The following AGBL1 variants were observed in gnomAD, a reference collection of about 807,000 sequenced individuals.
The protein encoded by AGBL1 is cytosolic carboxypeptidase 4.
AGBL1 carries 130 observed loss-of-function variants against 118.9 expected under a neutral mutation model. That is an observed-to-expected ratio of 1.09 (90% confidence interval 0.95 to 1.26). The LOEUF is 1.26. Ranked by LOEUF, AGBL1 falls within the 50% of genes most tolerant of loss-of-function variation. The probability of loss-of-function intolerance (pLI) is 0.00; values close to 1 mark genes in which losing one functional copy is unlikely to be tolerated. For synonymous variants in AGBL1, 555 were observed against 478.9 expected, an observed-to-expected ratio of 1.16 and a Z score of -2.08; for missense variants, 1,584 against 1,298.1, an observed-to-expected ratio of 1.22 and a Z score of -3.38.
At chr15:86,956,928 G>A (rs941846755) in intron 23 of AGBL1, among the ~76,000 whole-genome samples, 3 of 152,120 alleles carry the variant, frequency 2.0e-5, no homozygotes, top group African/African-American at 7.2e-5. Context: ...ATGCACATAA[G>A]TGTGTATACA....
intron 5 of AGBL1, among the ~76,000 whole-genome samples, chr15:86,178,169 T>C (rs1365632787): frequency 6.6e-6 from 1 of 152,018 alleles, no homozygotes. Context: ...AAAATTTAGT[T>C]GGGTGTGGTG....
intron 23 of AGBL1, among the ~76,000 whole-genome samples, chr15:86,948,132 GC>G (rs2080844747): frequency 6.6e-6 from 1 of 152,158 alleles, no homozygotes; most frequent in Admixed American, 6.5e-5. Flanking sequence ...GTTAGCATGT[GC>G]AGTGACACTG....
intron 4 of AGBL1, 132 bp from the exon 5 acceptor site, chr15:86,158,800 CA>C: frequency 1.4e-6 from 1 of 698,704 alleles, no homozygotes; most frequent in Non-Finnish European, 2.5e-6. Flanking sequence ...AATGTGCAAC[CA>C]GGGTGGAAAA....
chr15:86,475,909 G>C (rs2082552091), intron 18 of AGBL1, among the ~76,000 whole-genome samples: 1 of 152,142 alleles, frequency 6.6e-6, no homozygotes, highest in Non-Finnish European at 1.5e-5. Context: ...AAGAGAGTGG[G>C]GGCCAATATT....
chr15:86,477,291 G>C (rs1363986068), intron 18 of AGBL1, among the ~76,000 whole-genome samples: 1 of 152,108 alleles, frequency 6.6e-6, no homozygotes, highest in African/African-American at 2.4e-5. Flanking sequence ...AATGAATCCA[G>C]GAGCTGGTTT....
At chr15:86,251,116 T>C (rs1442538747) in intron 7 of AGBL1, among the ~76,000 whole-genome samples, 2 of 152,202 alleles carry the variant, frequency 1.3e-5, no homozygotes, top group Non-Finnish European at 2.9e-5. Context: ...CCAATATTGA[T>C]AATTTCAAAA....
At chr15:86,938,061 A>T (rs2080697560) in intron 23 of AGBL1, among the ~76,000 whole-genome samples, 1 of 127,980 alleles carries the variant, frequency 7.8e-6, no homozygotes, top group Non-Finnish European at 1.9e-5. Context: ...TTGTTTTGAG[A>T]CACACTACTT....
chr15:86,663,422 T>C (rs898336093), intron 21 of AGBL1, among the ~76,000 whole-genome samples: 4 of 152,050 alleles, frequency 2.6e-5, no homozygotes, highest in African/African-American at 4.8e-5. Context: ...AGAGAAACCA[T>C]AGAGACCCAG....
chr15:86,562,210 T>A (rs954563001), intron 21 of AGBL1, among the ~76,000 whole-genome samples: 3 of 151,568 alleles, frequency 2.0e-5, no homozygotes, highest in Non-Finnish European at 4.4e-5. Flanking sequence ...GAGGCATCCC[T>A]GTCTTGTGCC....
intron 22 of AGBL1, among the ~76,000 whole-genome samples, chr15:86,764,020 A>C (rs988676324): frequency 6.6e-6 from 1 of 152,046 alleles, no homozygotes; most frequent in Non-Finnish European, 1.5e-5. Flanking sequence ...ATAATTGGGT[A>C]GGGAAAGCGA....
At chr15:86,288,838 G>GT (rs1427085434) in intron 16 of AGBL1, among the ~76,000 whole-genome samples, 8 of 151,844 alleles carry the variant, frequency 5.3e-5, no homozygotes, top group Non-Finnish European at 7.4e-5. Context: ...TCTTTCTGCT[G>GT]TTTTTTGTGT....
rs559281400 is a variant in AGBL1, at chr15:86,671,795, G to A, written c.2995-2478G>A. On this transcript the variant is annotated intron_variant, in intron 21 of 22. Coordinates refer to ENST00000614907, the MANE Select transcript of AGBL1 (RefSeq NM_001386094.1). Reference sequence around the variant, plus strand: ...ATCTGAGAGATAAAAATCCATCCATGCCTCTCCACGTCCACTCATTTAGAG... The same window carrying A: ...ATCTGAGAGATAAAAATCCATCCATACCTCTCCACGTCCACTCATTTAGAG... Among the ~76,000 whole-genome samples the A allele has an allele frequency of 2.0e-5, 3 of 152,246 alleles. No homozygotes were observed. The South Asian group carries it at 6.2e-4, about 32-fold the overall frequency.
chr15:86,859,651 G>A (rs989900223), intron 22 of AGBL1, among the ~76,000 whole-genome samples: 4 of 152,164 alleles, frequency 2.6e-5, no homozygotes, highest in African/African-American at 4.8e-5. Flanking sequence ...GGCTTGTCAC[G>A]AGAGGCTTGA....
At chr15:86,703,919 A>C (rs984678104) in intron 22 of AGBL1, among the ~76,000 whole-genome samples, 1 of 152,144 alleles carries the variant, frequency 6.6e-6, no homozygotes, top group African/African-American at 2.4e-5. Flanking sequence ...CCAAAATACC[A>C]TGGTACTGGT....
chr15:86,974,382 T>TTTAATATATTAAATATAAACATA lies in AGBL1; in HGVS notation c.3222-13600_3222-13578dup, dbSNP rs1352457901. Reference sequence around the variant, plus strand: ...ATTTTAATATATTAAATATAAACATTTTAATATATTAAATATAAACATATT... The same window carrying TTTAATATATTAAATATAAACATA: ...ATTTTAATATATTAAATATAAACATTTTAATATATTAAATATAAACATATTAATATATTAAATATAAACATATT... On this transcript the variant is annotated intron_variant, in intron 23 of 24. Transcript: ENST00000441037. Among the ~76,000 whole-genome samples the TTTAATATATTAAATATAAACATA allele has an allele frequency of 4.5e-5, 5 of 111,074 alleles. 1 individual carries two copies. In the East Asian group the frequency reaches 7.7e-4, roughly 17 times the overall value. 72.9% of individuals were successfully genotyped at this position (111,074 alleles called of 152,430 possible).
At position 86,582,465 on chromosome 15, in the gene AGBL1, G is replaced by A. The variant is rs372914398; in HGVS notation, c.2994+27928G>A. Among the ~76,000 whole-genome samples the A allele has an allele frequency of 2.6e-3, 397 of 152,136 alleles. 1 individual carries two copies. Among genetic ancestry groups the A allele is most frequent in the South Asian group, 6.8e-3 (33 of 4,824 alleles). On this transcript the variant is annotated intron_variant, in intron 21 of 22. Transcript: ENST00000614907. ...GGAAGTCGGTGTGGTGATTCCTCAG[G>A]GATCTAGAACTAGAAATAGCATTTG...
chr15:86,689,633 G>C (rs915226240), intron 22 of AGBL1, among the ~76,000 whole-genome samples: 17 of 151,998 alleles, frequency 1.1e-4, no homozygotes. Context: ...AATTAACCTT[G>C]ATGGGGATTT....
chr15:86,401,149 T>C (rs2081438585), intron 18 of AGBL1, among the ~76,000 whole-genome samples: 2 of 152,196 alleles, frequency 1.3e-5, no homozygotes, highest in Non-Finnish European at 2.9e-5. Context: ...ATTATGACAA[T>C]TGTTGCAGAA....
At chr15:86,478,604 C>T (rs1326199196) in intron 18 of AGBL1, among the ~76,000 whole-genome samples, 4 of 152,180 alleles carry the variant, frequency 2.6e-5, no homozygotes, top group Admixed American at 1.3e-4. Context: ...AATGGAAGAA[C>T]ATTCCATGCT....
Sources: gnomAD v4.1 joint callset for allele counts (sites outside exome capture counted in the v4.1 genomes callset) on GRCh38, gnomAD v4.1.1 for gene constraint, MANE v1.5 for transcripts, NCBI Gene and HGNC (gene_info 2026-07-23, HGNC 2026-07-21) for gene names.